Variants in RNF141 observed in about 807,000 individuals in gnomAD.
RNF141 encodes the protein C3HC4-like zinc finger protein.
RNF141 carries 18 observed loss-of-function variants against 27.4 expected under a neutral mutation model. That is an observed-to-expected ratio of 0.66 (90% CI 0.45 to 0.97). The LOEUF is 0.97. RNF141 is among the 50% of genes least tolerant of loss of function. The probability of loss-of-function intolerance (pLI) is 0.00; values close to 1 mark genes in which losing one functional copy is unlikely to be tolerated. For synonymous variants in RNF141, 97 were observed against 96.6 expected (o/e 1.00, Z -0.02); for missense variants, 230 against 279.4 (o/e 0.82, Z 1.26).
intron 3 of RNF141, among the ~76,000 whole-genome samples, chr11:10,527,286 A>G (rs931817529): frequency 6.6e-6 from 1 of 152,220 alleles, no homozygotes; most frequent in African/African-American, 2.4e-5. Context: ...ATTAGGTTAG[A>G]TGAAAATAAG....
intron 2 of RNF141, among the ~76,000 whole-genome samples, chr11:10,531,439 T>C (rs553535706): frequency 1.3e-5 from 2 of 152,020 alleles, no homozygotes; most frequent in East Asian, 1.9e-4. Context: ...CTCAGACGTA[T>C]ATAAAGCATG....
At chr11:10,522,098 A>C (rs561547127) in intron 4 of RNF141, among the ~76,000 whole-genome samples, 1 of 152,324 alleles carries the variant, frequency 6.6e-6, no homozygotes, top group East Asian at 1.9e-4. Flanking sequence ...TATAAAAGAC[A>C]AATCTTTTAT....
rs557085900 is a variant in RNF141, at chr11:10,517,885, T to C, written c.542+1149A>G. The C allele has an allele frequency of 4.6e-5, 7 of 152,298 alleles. No individual in the cohort carries two copies. In the South Asian group the frequency reaches 1.0e-3, roughly 23 times the overall value. The allele number at this position is 152,298 out of a possible 1,614,324, so 9.4% of individuals were successfully genotyped here. A position where few individuals can be genotyped will look rare whatever the true frequency, so the allele number is the denominator to read the frequency against. On this transcript the variant is annotated intron_variant, in intron 5 of 5. Coordinates refer to ENST00000265981, the MANE Select transcript of RNF141 (RefSeq NM_016422.4). ...TACAAGGTTGATATACAAATATCTA[T>C]TGTATTTCCATATACTAGTATCAAT...
intron 2 of RNF141, among the ~76,000 whole-genome samples, chr11:10,532,771 G>A (rs562123970): frequency 6.6e-5 from 10 of 152,262 alleles, no homozygotes; most frequent in Admixed American, 6.5e-4. Context: ...TACGGAGTGG[G>A]TTCATATATC....
intron 1 of RNF141, among the ~76,000 whole-genome samples, chr11:10,539,086 T>C (rs1357567849): frequency 6.6e-6 from 1 of 152,180 alleles, no homozygotes; most frequent in Non-Finnish European, 1.5e-5. Flanking sequence ...TATTTTGAAA[T>C]GCACAAGATC....
chr11:10,535,349 T>C (rs1850024485), intron 1 of RNF141, among the ~76,000 whole-genome samples: 1 of 107,482 alleles, frequency 9.3e-6, no homozygotes, highest in Non-Finnish European at 1.9e-5. Context: ...AAAAGGACAA[T>C]TGTAATTTAA....
chr11:10,528,568 A>T (rs938875542), intron 3 of RNF141, among the ~76,000 whole-genome samples: 2 of 152,190 alleles, frequency 1.3e-5, no homozygotes, highest in Non-Finnish European at 2.9e-5. Context: ...AGGGATGAAA[A>T]GCCTGATATA....
At chr11:10,539,968 CAT>C (rs1012383820) in intron 1 of RNF141, among the ~76,000 whole-genome samples, 9 of 151,652 alleles carry the variant, frequency 5.9e-5, no homozygotes, top group African/African-American at 1.9e-4. Flanking sequence ...ATTTTTGAAA[CAT>C]ATAGTCATAT....
At chr11:10,532,780 T>A (rs904218903) in intron 2 of RNF141, among the ~76,000 whole-genome samples, 1 of 152,202 alleles carries the variant, frequency 6.6e-6, no homozygotes, top group Non-Finnish European at 1.5e-5. Flanking sequence ...GGTTCATATA[T>A]CTTACCTTAA....
intron 4 of RNF141, 81 bp from the exon 5 acceptor site, chr11:10,519,222 T>G (rs911689474): frequency 1.6e-6 from 2 of 1,225,698 alleles, no homozygotes; most frequent in Non-Finnish European, 2.3e-6. Context: ...AAAAGCATTA[T>G]TAAACATCTA....
intron 1 of RNF141, among the ~76,000 whole-genome samples, chr11:10,534,680 A>T (rs1214175128): frequency 6.6e-6 from 1 of 152,156 alleles, no homozygotes; most frequent in Admixed American, 6.5e-5. Flanking sequence ...TATTTCCCAT[A>T]GACAGGGAAA....
intron 4 of RNF141, among the ~76,000 whole-genome samples, chr11:10,523,833 AAAC>A (rs1849908730): frequency 6.6e-6 from 1 of 152,226 alleles, no homozygotes; most frequent in African/African-American, 2.4e-5. Context: ...CAATTAAACA[AAAC>A]AACAACCACT....
At chr11:10,540,164 G>A (rs1850082407) in intron 1 of RNF141, among the ~76,000 whole-genome samples, 1 of 152,108 alleles carries the variant, frequency 6.6e-6, no homozygotes, top group African/African-American at 2.4e-5. Context: ...AATTCTGAAT[G>A]GGTAGAGGTC....
chr11:10,525,475 G>A (rs1202119565), intron 3 of RNF141, 102 bp from the exon 4 acceptor site: 1 of 817,386 alleles, frequency 1.2e-6, no homozygotes. Flanking sequence ...CTAGGAAATA[G>A]GAGTTTTCAG....
At position 10,534,090 on chromosome 11, in the gene RNF141, A is replaced by G. The variant is rs1220514714; in HGVS notation, c.69T>C (p.His23=). The stretch of plus-strand genomic sequence containing the variant: ...AGCCACTCTCTCGAACCAACGTAAC[A>G]TGTTTTGCTACTTTTTCTGGTAACT... ...INKLPEKVAK[H]VTLVRESGSL... is the part of the protein sequence containing the mutation. The change falls in exon 2 of 6, where the codon CAT becomes CAC. Residue 23 remains histidine, a synonymous_variant. Coordinates refer to ENST00000265981, the MANE Select transcript of RNF141 (RefSeq NM_016422.4). The G allele has an allele frequency of 6.2e-7, 1 of 1,613,630 alleles. No individual in the cohort carries two copies. The highest frequency in any genetic ancestry group is 8.5e-7 in the Non-Finnish European group (1 of 1,179,714).
intron 2 of RNF141, among the ~76,000 whole-genome samples, chr11:10,532,496 TACACAC>T (rs10559393): frequency 0.12 from 16,250 of 131,136 alleles, 1,020 homozygotes; most frequent in Admixed American, 0.19. Context: ...GTTCATTTTC[TACACAC>T]ACACACACAC....
rs750953791 is a variant in RNF141, at chr11:10,541,127, G to T, written c.-53C>A. 5.6e-4 allele frequency: 86 copies of T among 152,560 alleles called. 1 individual carries two copies. The highest frequency in any genetic ancestry group is 7.2e-4 in the Non-Finnish European group (49 of 68,244). The allele number at this position is 152,560 out of a possible 1,614,324, so 9.5% of individuals were successfully genotyped here. ...GACAGCGCCGCGGAGCTCACCCCAG[G>T]TTCAAGGCATCGCGCACCCTGCGGC... On this transcript the variant is annotated 5_prime_UTR_variant, in exon 1 of 6. Transcript: ENST00000265981.
chr11:10,539,583 T>C (rs908265457), intron 1 of RNF141, among the ~76,000 whole-genome samples: 4 of 147,606 alleles, frequency 2.7e-5, no homozygotes, highest in Non-Finnish European at 6.0e-5. Flanking sequence ...CTTTTTTTTT[T>C]CAAGACAAGT....
At chr11:10,524,024 A>G (rs966739837) in intron 4 of RNF141, among the ~76,000 whole-genome samples, 3 of 152,240 alleles carry the variant, frequency 2.0e-5, no homozygotes, top group Non-Finnish European at 4.4e-5. Flanking sequence ...TTGGGAAATA[A>G]TAAATGGAAA....
Sources: gnomAD v4.1 joint callset for allele counts (sites outside exome capture counted in the v4.1 genomes callset) on GRCh38, gnomAD v4.1.1 for gene constraint, MANE v1.5 for transcripts, NCBI Gene and HGNC (gene_info 2026-07-23, HGNC 2026-07-21) for gene names.